AUTS2: variants seen among roughly 807,000 people sequenced by gnomAD.
AUTS2 encodes the protein autism susceptibility gene 2 protein.
In AUTS2, 17 loss-of-function variants were observed where a neutral mutation model predicts 112.4. The observed-to-expected ratio is 0.15, with a 90% CI of 0.10 to 0.23. The LOEUF is 0.23. Among genes scored for constraint, AUTS2 ranks in the 10% least tolerant of loss-of-function variants. The pLI, the probability that AUTS2 is intolerant of heterozygous loss-of-function variation, is 1.00. For missense variants in AUTS2, 1,510 were observed against 1,701.6 expected, an observed-to-expected ratio of 0.89 and a Z score of 1.98; for synonymous variants, 751 against 702.7, an observed-to-expected ratio of 1.07 and a Z score of -1.09.
At chr7:70,768,554 T>G (rs1585656916) in intron 10 of AUTS2, among the ~76,000 whole-genome samples, 1 of 152,316 alleles carries the variant, frequency 6.6e-6, no homozygotes, top group South Asian at 2.1e-4. Context: ...ACATGGCTGG[T>G]ATTGTTCTGT....
intron 10 of AUTS2, among the ~76,000 whole-genome samples, chr7:70,770,934 G>A (rs1016032169): frequency 3.9e-5 from 6 of 152,110 alleles, no homozygotes; most frequent in African/African-American, 7.2e-5. Context: ...ACATCGAGTC[G>A]TTTTATTTTA....
intron 5 of AUTS2, among the ~76,000 whole-genome samples, chr7:70,645,022 C>T (rs1806073200): frequency 6.6e-6 from 1 of 152,198 alleles, no homozygotes; most frequent in African/African-American, 2.4e-5. Flanking sequence ...TTGGAATGAT[C>T]TCTGGGTTTC....
chr7:70,276,335 T>G (rs759956572), intron 4 of AUTS2, among the ~76,000 whole-genome samples: 1 of 152,060 alleles, frequency 6.6e-6, no homozygotes, highest in Non-Finnish European at 1.5e-5. Flanking sequence ...GTAGTCTAAT[T>G]TAAGTAGTTT....
At chr7:70,154,956 G>A (rs762110023) in intron 4 of AUTS2, among the ~76,000 whole-genome samples, 5 of 152,146 alleles carry the variant, frequency 3.3e-5, no homozygotes, top group Non-Finnish European at 5.9e-5. Flanking sequence ...AGCTGTCAGA[G>A]CCCCCCTGGG....
chr7:69,999,367 G>A (rs1799086048), intron 2 of AUTS2, among the ~76,000 whole-genome samples: 2 of 152,084 alleles, frequency 1.3e-5, no homozygotes, highest in Non-Finnish European at 1.5e-5. Context: ...TCCTGCTTCT[G>A]TTTCTGCTAT....
intron 4 of AUTS2, among the ~76,000 whole-genome samples, chr7:70,161,867 CA>C (rs1231471690): frequency 6.6e-6 from 1 of 152,180 alleles, no homozygotes; most frequent in African/African-American, 2.4e-5. Flanking sequence ...AAAGGAATTA[CA>C]GGGGCAGTAT....
At chr7:70,542,360 A>C (rs1447502673) in intron 5 of AUTS2, among the ~76,000 whole-genome samples, 2 of 151,980 alleles carry the variant, frequency 1.3e-5, no homozygotes, top group Non-Finnish European at 2.9e-5. Context: ...AAGTATCTGA[A>C]CTCCTAGTCT....
intron 2 of AUTS2, among the ~76,000 whole-genome samples, chr7:70,075,620 A>G (rs987972804): frequency 6.6e-6 from 1 of 152,208 alleles, no homozygotes; most frequent in African/African-American, 2.4e-5. Context: ...CAGTACAAAT[A>G]CACATGGCTA....
chr7:70,260,288 C>A (rs929025550), intron 4 of AUTS2, among the ~76,000 whole-genome samples: 1 of 152,014 alleles, frequency 6.6e-6, no homozygotes, highest in African/African-American at 2.4e-5. Flanking sequence ...ATTATGTGAA[C>A]CCAGGAGGTG....
At chr7:69,856,289 A>G (rs556417071) in intron 1 of AUTS2, among the ~76,000 whole-genome samples, 102 of 152,272 alleles carry the variant, frequency 6.7e-4, no homozygotes, top group African/African-American at 2.2e-3. Flanking sequence ...CCTGGAAGGA[A>G]GAAGTGAGGG....
intron 4 of AUTS2, among the ~76,000 whole-genome samples, chr7:70,240,920 C>A (rs933275037): frequency 6.6e-6 from 1 of 152,128 alleles, no homozygotes; most frequent in African/African-American, 2.4e-5. Context: ...GGACTGTATC[C>A]ACTTCGGGTT....
chr7:70,781,963 T>TCA (rs1791118768), intron 15 of AUTS2: 2 of 609,474 alleles, frequency 3.3e-6, no homozygotes, highest in Non-Finnish European at 5.5e-6. Context: ...GAGGCAGAGA[T>TCA]CATCTTTCCC....
intron 4 of AUTS2, among the ~76,000 whole-genome samples, chr7:70,152,501 A>C (rs1807498886): frequency 6.6e-6 from 1 of 152,070 alleles, no homozygotes; most frequent in Non-Finnish European, 1.5e-5. Context: ...AAAATTGCCA[A>C]CCTAGAATTG....
At chr7:69,926,836 A>G (rs1796035390) in intron 2 of AUTS2, among the ~76,000 whole-genome samples, 1 of 146,844 alleles carries the variant, frequency 6.8e-6, no homozygotes, top group Non-Finnish European at 1.5e-5. Flanking sequence ...TAGTATATAT[A>G]AGATATATCA....
Position 70,791,067 on chromosome 7 carries a change from ACTC to A in AUTS2, c.*74_*76del, listed in dbSNP as rs1468541881. 2.2e-6 allele frequency: 3 copies of A among 1,383,104 alleles called. No homozygotes were observed. Among genetic ancestry groups the A allele is most frequent in the Non-Finnish European group, 1.9e-6 (2 of 1,068,348 alleles). The allele number at this position is 1,383,104 out of a possible 1,614,324, so 85.7% of individuals were successfully genotyped here. On this transcript the variant is annotated 3_prime_UTR_variant, in exon 19 of 19. Coordinates refer to ENST00000342771, the MANE Select transcript of AUTS2 (RefSeq NM_015570.4). ...CACCAGGCCAGGCTTGAGAGACAGA[ACTC>A]CTGCATGGCTCACACAGACTGGGGG... is the stretch of plus-strand genomic sequence containing the variant.
At chr7:70,410,671 T>G (rs1239005121) in intron 4 of AUTS2, among the ~76,000 whole-genome samples, 6 of 151,694 alleles carry the variant, frequency 4.0e-5, no homozygotes, top group African/African-American at 1.5e-4. Flanking sequence ...TCCGCCCTCC[T>G]CAGCCTCCAA....
chr7:70,444,655 C>A lies in AUTS2; in HGVS notation c.690+8874C>A, dbSNP rs57704085. ...GGTTAGAGATTTTCCCTATCAGTTT[C>A]CATGAGGAGCATGTTGAGAAGTTCT... On this transcript the variant is annotated intron_variant, in intron 5 of 18. Coordinates refer to ENST00000342771, the MANE Select transcript of AUTS2 (RefSeq NM_015570.4). 5.3e-4 allele frequency among the ~76,000 whole-genome samples: 80 copies of A among 152,216 alleles called. 2 individuals are homozygous for A. The East Asian group carries it at 0.014, about 26-fold the overall frequency.
intron 2 of AUTS2, among the ~76,000 whole-genome samples, chr7:69,996,931 A>T (rs982023734): frequency 2.1e-5 from 3 of 146,124 alleles, no homozygotes; most frequent in Non-Finnish European, 4.5e-5. Flanking sequence ...CTTTTTCGAA[A>T]TAACCTGGAA....
At chr7:70,618,620 C>T (rs960093185) in intron 5 of AUTS2, among the ~76,000 whole-genome samples, 1 of 152,148 alleles carries the variant, frequency 6.6e-6, no homozygotes, top group Non-Finnish European at 1.5e-5. Context: ...AAAGCTGTTT[C>T]CCCAGCAAAG....
Sources: gnomAD v4.1 joint callset for allele counts (sites outside exome capture counted in the v4.1 genomes callset) on GRCh38, gnomAD v4.1.1 for gene constraint, MANE v1.5 for transcripts, NCBI Gene and HGNC (gene_info 2026-07-23, HGNC 2026-07-21) for gene names.